CDH4: variants seen among roughly 807,000 people sequenced by gnomAD.
CDH4 encodes cadherin 4, also known as cadherin-4.
Under a neutral mutation model 86.0 loss-of-function variants are expected in CDH4, and 33 were observed. The observed-to-expected ratio is 0.38, with a 90% CI of 0.29 to 0.51. The LOEUF (loss-of-function observed/expected upper bound fraction) is 0.51, where lower values mean the gene tolerates loss of function less well. CDH4 is among the 20% of genes least tolerant of loss of function. CDH4 has a pLI of 0.86. For synonymous variants in CDH4, 555 were observed against 549.4 expected, an observed-to-expected ratio of 1.01 and a Z score of -0.14; for missense variants, 1,114 against 1,307.4, an observed-to-expected ratio of 0.85 and a Z score of 2.28.
chr20:61,608,498 C>G (rs140217283), intron 2 of CDH4, among the ~76,000 whole-genome samples: 17 of 152,334 alleles, frequency 1.1e-4, no homozygotes, highest in Admixed American at 3.9e-4. Flanking sequence ...TTCTCCAGGT[C>G]TCATGCGTGG....
intron 2 of CDH4, among the ~76,000 whole-genome samples, chr20:61,306,978 G>A (rs2084420645): frequency 6.6e-6 from 1 of 152,172 alleles, no homozygotes; most frequent in Non-Finnish European, 1.5e-5. Flanking sequence ...AGGTGGGAGG[G>A]CTAGTTCAGG....
chr20:61,453,954 T>C (rs1005862316), intron 2 of CDH4, among the ~76,000 whole-genome samples: 2 of 152,210 alleles, frequency 1.3e-5, no homozygotes, highest in Non-Finnish European at 2.9e-5. Flanking sequence ...TGCCGCCTTG[T>C]GAAGAAGGAT....
chr20:61,888,709 C>T (rs62204977), intron 7 of CDH4, among the ~76,000 whole-genome samples: 2,755 of 152,318 alleles, frequency 0.018, 43 homozygotes, highest in Middle Eastern at 0.058. Context: ...GGAGACCCAG[C>T]GGGCATCGGG....
chr20:61,823,917 A>G (rs1342430495), intron 4 of CDH4, among the ~76,000 whole-genome samples: 1 of 152,236 alleles, frequency 6.6e-6, no homozygotes, highest in African/African-American at 2.4e-5. Context: ...GGCTTTCTTT[A>G]TGTGTAAAAG....
chr20:61,719,048 G>A (rs2088000036), intron 2 of CDH4: 1 of 470,992 alleles, frequency 2.1e-6, no homozygotes, highest in Non-Finnish European at 4.4e-6. Context: ...GACCCTCCCT[G>A]GCCACACTCG....
At chr20:61,763,834 G>T (rs551753161) in intron 3 of CDH4, among the ~76,000 whole-genome samples, 2 of 152,142 alleles carry the variant, frequency 1.3e-5, no homozygotes, top group African/African-American at 4.8e-5. Flanking sequence ...GCGTGGATTC[G>T]AGAATAAAAA....
chr20:61,834,754 G>A (rs1981788980), intron 4 of CDH4, among the ~76,000 whole-genome samples: 1 of 152,206 alleles, frequency 6.6e-6, no homozygotes, highest in East Asian at 1.9e-4. Flanking sequence ...CAAAGAACCC[G>A]TCTCGGCTTT....
intron 2 of CDH4, among the ~76,000 whole-genome samples, chr20:61,322,580 G>A (rs540630771): frequency 6.6e-6 from 1 of 152,126 alleles, no homozygotes; most frequent in East Asian, 1.9e-4. Flanking sequence ...TGCAGCATTC[G>A]GGATCCTGGG....
intron 6 of CDH4, among the ~76,000 whole-genome samples, chr20:61,866,883 G>A (rs1037893615): frequency 7.9e-5 from 12 of 152,266 alleles, no homozygotes; most frequent in East Asian, 1.9e-4. Flanking sequence ...GCAGTTGGCC[G>A]GAAAGCAGGG....
chr20:61,673,554 A>C (rs929039000), intron 2 of CDH4, among the ~76,000 whole-genome samples: 10 of 152,184 alleles, frequency 6.6e-5, no homozygotes, highest in Admixed American at 2.0e-4. Flanking sequence ...GAGCAGCTAC[A>C]TCTTTGTTAA....
intron 2 of CDH4, among the ~76,000 whole-genome samples, chr20:61,589,661 A>G (rs1264057318): frequency 6.6e-6 from 1 of 152,156 alleles, no homozygotes; most frequent in African/African-American, 2.4e-5. Flanking sequence ...ACATTGAAAG[A>G]CAAGGTTCAT....
At chr20:61,839,632 G>A (rs1712356628) in intron 4 of CDH4, among the ~76,000 whole-genome samples, 1 of 151,748 alleles carries the variant, frequency 6.6e-6, no homozygotes, top group African/African-American at 2.4e-5. Context: ...CTGTGTGCAT[G>A]TTTGTGTTTG....
chr20:61,387,712 C>G (rs984645649), intron 2 of CDH4, among the ~76,000 whole-genome samples: 2 of 152,332 alleles, frequency 1.3e-5, no homozygotes, highest in Middle Eastern at 3.4e-3. Context: ...GTGGCTCAAT[C>G]TTGTCATTGG....
chr20:61,566,109 G>A (rs1177621230), intron 2 of CDH4, among the ~76,000 whole-genome samples: 2 of 152,136 alleles, frequency 1.3e-5, no homozygotes, highest in African/African-American at 2.4e-5. Flanking sequence ...TCCTGCTGGG[G>A]CATCACTGGG....
chr20:61,598,393 C>T (rs1013217740), intron 2 of CDH4, among the ~76,000 whole-genome samples: 21 of 151,658 alleles, frequency 1.4e-4, no homozygotes, highest in African/African-American at 5.1e-4. Flanking sequence ...CATGCACCCC[C>T]CAAAACCCCC....
intron 2 of CDH4, among the ~76,000 whole-genome samples, chr20:61,354,254 G>A (rs951637461): frequency 3.3e-5 from 5 of 152,246 alleles, no homozygotes; most frequent in South Asian, 2.1e-4. Flanking sequence ...TCTCCCGGCA[G>A]CACGTGAGTG....
At chr20:61,333,652 G>A (rs960881876) in intron 2 of CDH4, among the ~76,000 whole-genome samples, 4 of 152,340 alleles carry the variant, frequency 2.6e-5, no homozygotes, top group African/African-American at 4.8e-5. Flanking sequence ...CGGGCCACAC[G>A]TGGCCCACAG....
At chr20:61,766,208 C>T (rs570978951) in intron 3 of CDH4, among the ~76,000 whole-genome samples, 23 of 151,644 alleles carry the variant, frequency 1.5e-4, no homozygotes, top group African/African-American at 5.3e-4. Context: ...CAGTCTCCCT[C>T]GCCACTTGGC....
chr20:61,931,041 G>A (rs887740750), intron 13 of CDH4, among the ~76,000 whole-genome samples: 2 of 152,248 alleles, frequency 1.3e-5, no homozygotes, highest in Non-Finnish European at 2.9e-5. Context: ...TCCGCCTGCT[G>A]CCCGGCTTCT....
Sources: gnomAD v4.1 joint callset for allele counts (sites outside exome capture counted in the v4.1 genomes callset) on GRCh38, gnomAD v4.1.1 for gene constraint, MANE v1.5 for transcripts, NCBI Gene and HGNC (gene_info 2026-07-23, HGNC 2026-07-21) for gene names.